Variants in ITPR2 observed in about 807,000 individuals in gnomAD.
ITPR2 encodes inositol 1,4,5-trisphosphate-gated calcium channel ITPR2.
ITPR2 carries 207 observed loss-of-function variants against 317.1 expected under a neutral mutation model. That is an observed-to-expected ratio of 0.65 (90% confidence interval 0.58 to 0.73). The LOEUF (loss-of-function observed/expected upper bound fraction) is 0.73. Among genes scored for constraint, ITPR2 ranks in the 30% least tolerant of loss-of-function variants. The pLI, the probability that ITPR2 is intolerant of heterozygous loss-of-function variation, is 0.00. For synonymous variants in ITPR2, 1,156 were observed against 1,149.1 expected, an observed-to-expected ratio of 1.01 and a Z score of -0.12; for missense variants, 2,613 against 3,284.0, an observed-to-expected ratio of 0.80 and a Z score of 4.99.
At chr12:26,566,826 C>G (rs1261491745) in intron 34 of ITPR2, among the ~76,000 whole-genome samples, 1 of 152,160 alleles carries the variant, frequency 6.6e-6, no homozygotes, top group Admixed American at 6.5e-5. Flanking sequence ...AGTGCAACTG[C>G]ACTTCTGTCT....
At chr12:26,682,717 C>G in intron 11 of ITPR2, 44 bp from the exon 12 acceptor site, 1 of 1,162,208 alleles carries the variant, frequency 8.6e-7, no homozygotes. Context: ...AAAAAATTAG[C>G]ACACTTACAT....
rs565089031 is a variant in ITPR2 at position 26,515,462 on chromosome 12, C to A, written c.5074-20202G>T. Among the ~76,000 whole-genome samples the A allele has an allele frequency of 9.2e-5, 14 of 152,142 alleles. No individual in the cohort carries two copies. The East Asian group carries it at 2.3e-3, about 25-fold the overall frequency. On this transcript the variant is annotated intron_variant, in intron 37 of 56. Transcript: ENST00000381340. ...CCTTAAGGCCCACACTGACTTCCAG[C>A]ATGTGCATGGCTAATGAATTTAGTA...
intron 1 of ITPR2, among the ~76,000 whole-genome samples, chr12:26,805,820 G>C (rs1376370587): frequency 6.6e-6 from 1 of 151,382 alleles, no homozygotes; most frequent in Non-Finnish European, 1.5e-5. Context: ...TGATTGGCAA[G>C]GACATCTGAA....
chr12:26,707,009 C>T (rs1296211804), intron 9 of ITPR2, among the ~76,000 whole-genome samples: 1 of 152,116 alleles, frequency 6.6e-6, no homozygotes. Flanking sequence ...AACCAGTTTG[C>T]CCCAAGCAAG....
At chr12:26,676,403 C>T (rs1275120688) in intron 13 of ITPR2, among the ~76,000 whole-genome samples, 7 of 141,744 alleles carry the variant, frequency 4.9e-5, no homozygotes, top group African/African-American at 1.6e-4. Flanking sequence ...CTTGAGCCTG[C>T]GAGGCGGAGG....
Position 26,436,209 on chromosome 12 carries a change from A to G in ITPR2, c.6769+12T>C. 6.4e-7 allele frequency: 1 copy of G among 1,562,320 alleles called. No individual in the cohort carries two copies. The highest frequency in any genetic ancestry group is 8.6e-7 in the Non-Finnish European group (1 of 1,160,304). ...TAAAATATTTATATTTTAAGGAAAAACGAGCACTTGCCTTCATCTCCATCA... is the reference window on the plus strand; with the variant it reads ...TAAAATATTTATATTTTAAGGAAAAGCGAGCACTTGCCTTCATCTCCATCA... On this transcript the variant is annotated intron_variant, in intron 48 of 56. Coordinates refer to ENST00000381340, the MANE Select transcript of ITPR2 (RefSeq NM_002223.4).
chr12:26,610,275 TTC>T (rs1384665504), intron 26 of ITPR2, among the ~76,000 whole-genome samples: 12 of 152,312 alleles, frequency 7.9e-5, no homozygotes, highest in African/African-American at 2.9e-4. Context: ...TAGAACTATT[TTC>T]CCACTGCACA....
intron 10 of ITPR2, 49 bp from the exon 11 acceptor site, chr12:26,686,681 A>T (rs958938194): frequency 1.3e-6 from 2 of 1,497,146 alleles, no homozygotes; most frequent in Non-Finnish European, 1.8e-6. Context: ...TTCTTGCTAA[A>T]CTCTCCAATT....
intron 46 of ITPR2, among the ~76,000 whole-genome samples, chr12:26,442,055 A>G (rs539235431): frequency 4.6e-5 from 7 of 152,088 alleles, no homozygotes; most frequent in African/African-American, 1.7e-4. Flanking sequence ...TATCTGTTCT[A>G]TGTGTTTTCT....
chr12:26,459,726 T>C (rs1941968839), intron 45 of ITPR2, among the ~76,000 whole-genome samples: 1 of 152,218 alleles, frequency 6.6e-6, no homozygotes, highest in Non-Finnish European at 1.5e-5. Context: ...CTCATTCCAA[T>C]TGATTTTCCC....
At chr12:26,391,561 T>TA (rs1939846339) in intron 54 of ITPR2, among the ~76,000 whole-genome samples, 1 of 72,938 alleles carries the variant, frequency 1.4e-5, no homozygotes, top group Admixed American at 1.8e-4. Context: ...TTTTCCTTTT[T>TA]TTTTTTTTTT....
intron 5 of ITPR2, among the ~76,000 whole-genome samples, chr12:26,716,537 CA>C (rs1223736542): frequency 1.3e-5 from 2 of 152,158 alleles, no homozygotes; most frequent in East Asian, 3.9e-4. Flanking sequence ...ATAAATAGGC[CA>C]TTATCCCTCC....
In ITPR2 at chr12:26,768,026, A is replaced by G. The variant is rs551034766; in HGVS notation, c.163+22131T>C. Among the ~76,000 whole-genome samples, 47 of 152,186 alleles carry G rather than the reference A, an allele frequency of 3.1e-4. 1 individual carries two copies. The highest frequency in any genetic ancestry group is 2.4e-3 in the Admixed American group (36 of 15,276). On this transcript the variant is annotated intron_variant, in intron 2 of 56. Coordinates refer to ENST00000381340, the MANE Select transcript of ITPR2 (RefSeq NM_002223.4). ...TATACCCGCTGACTTCCTGATTTCT[A>G]ATTACTTTCCCTGACCATGATTCTT...
At chr12:26,409,098 G>A (rs1178052098) in intron 52 of ITPR2, among the ~76,000 whole-genome samples, 2 of 152,126 alleles carry the variant, frequency 1.3e-5, no homozygotes, top group Non-Finnish European at 2.9e-5. Flanking sequence ...GATGGAAAAT[G>A]AGGGACACCT....
At chr12:26,385,846 T>A (rs1424044979) in intron 55 of ITPR2, among the ~76,000 whole-genome samples, 2 of 151,910 alleles carry the variant, frequency 1.3e-5, no homozygotes, top group South Asian at 2.1e-4. Flanking sequence ...GATGCCACTC[T>A]CCATCTTGAA....
chr12:26,484,047 A>C, intron 41 of ITPR2, 149 bp from the exon 42 acceptor site: 1 of 653,324 alleles, frequency 1.5e-6, no homozygotes, highest in Admixed American at 2.9e-5. Context: ...AAGGAGGGAG[A>C]AACGCCCTTA....
intron 37 of ITPR2, among the ~76,000 whole-genome samples, chr12:26,534,179 C>T (rs752976694): frequency 2.0e-5 from 3 of 152,158 alleles, no homozygotes; most frequent in Non-Finnish European, 2.9e-5. Flanking sequence ...GGGATAGTTC[C>T]AAATTTTTGT....
At chr12:26,457,519 A>G in intron 45 of ITPR2, among the ~76,000 whole-genome samples, 1 of 152,246 alleles carries the variant, frequency 6.6e-6, no homozygotes, top group East Asian at 1.9e-4. Flanking sequence ...CATTGTTGCT[A>G]CTGTGTTAGA....
chr12:26,554,391 G>A (rs1471208455), intron 36 of ITPR2, among the ~76,000 whole-genome samples: 2 of 152,182 alleles, frequency 1.3e-5, no homozygotes, highest in Non-Finnish European at 2.9e-5. Context: ...TGGCACCCTA[G>A]TTCTCGACAA....
Sources: gnomAD v4.1 joint callset for allele counts (sites outside exome capture counted in the v4.1 genomes callset) on GRCh38, gnomAD v4.1.1 for gene constraint, MANE v1.5 for transcripts, NCBI Gene and HGNC (gene_info 2026-07-23, HGNC 2026-07-21) for gene names.